ZNF609: variants seen among roughly 807,000 people sequenced by gnomAD.
ZNF609 encodes the protein zinc finger protein 609.
In ZNF609, 11 loss-of-function variants were observed where a neutral mutation model predicts 109.5. The ratio of observed to expected loss-of-function variants is 0.10; its 90% confidence interval spans 0.06 to 0.17. The LOEUF (loss-of-function observed/expected upper bound fraction) is 0.17, where lower values mean the gene tolerates loss of function less well. ZNF609 is among the 10% of genes least tolerant of loss of function. The pLI is 1.00. For synonymous variants in ZNF609, 646 were observed against 662.0 expected (o/e 0.98, Z 0.37); for missense variants, 1,559 against 1,772.4 (o/e 0.88, Z 2.16).
intron 1 of ZNF609, among the ~76,000 whole-genome samples, chr15:64,461,876 T>C (rs1892946134): frequency 6.6e-6 from 1 of 152,154 alleles, no homozygotes. Flanking sequence ...CTTGAGTTAA[T>C]TTCACCCCTG....
chr15:64,597,381 T>A (rs1895414731), intron 2 of ZNF609, among the ~76,000 whole-genome samples: 1 of 152,132 alleles, frequency 6.6e-6, no homozygotes, highest in African/African-American at 2.4e-5. Flanking sequence ...GGACTGCTAT[T>A]TGGAAACAGA....
chr15:64,612,444 C>A (rs138179118), intron 2 of ZNF609, among the ~76,000 whole-genome samples: 4 of 151,946 alleles, frequency 2.6e-5, no homozygotes, highest in Non-Finnish European at 5.9e-5. Flanking sequence ...CCACTGTGCC[C>A]GGCCTATATA....
intron 1 of ZNF609, among the ~76,000 whole-genome samples, chr15:64,491,376 T>C (rs1046269816): frequency 2.0e-5 from 3 of 152,220 alleles, no homozygotes; most frequent in African/African-American, 7.2e-5. Context: ...GGGAAGATGG[T>C]ATAATATGGT....
At chr15:64,489,721 T>G (rs1893385662) in intron 1 of ZNF609, among the ~76,000 whole-genome samples, 1 of 151,236 alleles carries the variant, frequency 6.6e-6, no homozygotes, top group Non-Finnish European at 1.5e-5. Context: ...GTAAAGACAG[T>G]TTCCCCATGT....
intron 2 of ZNF609, among the ~76,000 whole-genome samples, chr15:64,534,430 T>C (rs1201768831): frequency 6.6e-6 from 1 of 152,090 alleles, no homozygotes; most frequent in Non-Finnish European, 1.5e-5. Context: ...TTCTCCTGCC[T>C]CAGCCTCCCA....
At chr15:64,536,753 C>T (rs1595710721) in intron 2 of ZNF609, among the ~76,000 whole-genome samples, 1 of 147,912 alleles carries the variant, frequency 6.8e-6, no homozygotes, top group Non-Finnish European at 1.5e-5. Context: ...AATTAGCTGG[C>T]AGGCAAGGTG....
At chr15:64,586,440 C>T (rs576101697) in intron 2 of ZNF609, among the ~76,000 whole-genome samples, 2 of 152,114 alleles carry the variant, frequency 1.3e-5, no homozygotes, top group Admixed American at 1.3e-4. Context: ...GGAACCTGGT[C>T]GCACAGCAGG....
At chr15:64,640,854 G>C (rs554540880) in intron 3 of ZNF609, among the ~76,000 whole-genome samples, 2 of 152,322 alleles carry the variant, frequency 1.3e-5, no homozygotes, top group Admixed American at 1.3e-4. Flanking sequence ...AGCCTTTGTG[G>C]CACTTATGCA....
chr15:64,535,170 C>T (rs949698589), intron 2 of ZNF609, among the ~76,000 whole-genome samples: 9 of 152,098 alleles, frequency 5.9e-5, no homozygotes, highest in Non-Finnish European at 1.2e-4. Flanking sequence ...TATCCTCCTG[C>T]CTCAACCTCC....
chr15:64,677,924 T>TG (rs1759284565), intron 5 of ZNF609, among the ~76,000 whole-genome samples, 192 bp from the exon 6 acceptor site: 1 of 152,032 alleles, frequency 6.6e-6, no homozygotes, highest in African/African-American at 2.4e-5. Context: ...GGTGCAGAGG[T>TG]GGGGGCGGGG....
In ZNF609 at chr15:64,673,809, T is replaced by C. The variant is rs2141014066; in HGVS notation, c.1062-107T>C. On this transcript the variant is annotated intron_variant, in intron 4 of 9. Transcript: ENST00000326648. ...AATTTCTTTTAACAAATCATATTCATTGAAAATGATAGTCACCATCTGGAC... is the reference window on the plus strand; with the variant it reads ...AATTTCTTTTAACAAATCATATTCACTGAAAATGATAGTCACCATCTGGAC... The C allele has an allele frequency of 4.0e-6, 5 of 1,244,752 alleles. No individual in the cohort carries two copies. The East Asian group carries it at 9.7e-5, about 24-fold the overall frequency. 77.1% of individuals were successfully genotyped at this position (1,244,752 alleles called of 1,614,324 possible). A position where few individuals can be genotyped will look rare whatever the true frequency, so the allele number is the denominator to read the frequency against.
chr15:64,468,448 C>T (rs1239113828), intron 1 of ZNF609, among the ~76,000 whole-genome samples: 2 of 151,446 alleles, frequency 1.3e-5, no homozygotes, highest in African/African-American at 2.4e-5. Context: ...TTTTTTGTTT[C>T]GCTGCATTGC....
At chr15:64,557,541 AAG>A (rs1894609178) in intron 2 of ZNF609, among the ~76,000 whole-genome samples, 1 of 152,142 alleles carries the variant, frequency 6.6e-6, no homozygotes, top group African/African-American at 2.4e-5. Context: ...GATTGGTGGA[AAG>A]AGAGATGGAG....
intron 2 of ZNF609, among the ~76,000 whole-genome samples, chr15:64,520,282 G>A (rs1184732548): frequency 6.6e-6 from 1 of 152,086 alleles, no homozygotes; most frequent in Non-Finnish European, 1.5e-5. Flanking sequence ...ATGTTTCACA[G>A]CATCCATACC....
At chr15:64,570,615 T>A (rs1894845397) in intron 2 of ZNF609, among the ~76,000 whole-genome samples, 1 of 152,204 alleles carries the variant, frequency 6.6e-6, no homozygotes, top group Non-Finnish European at 1.5e-5. Context: ...TAGTTTGTCT[T>A]TAGTGAGAGA....
chr15:64,587,381 G>A (rs1244628273), intron 2 of ZNF609, among the ~76,000 whole-genome samples: 1 of 34,228 alleles, frequency 2.9e-5, no homozygotes, highest in Non-Finnish European at 1.6e-4. Flanking sequence ...TAGCAGCACA[G>A]TACCTATTAA....
chr15:64,493,155 G>A (rs1252394009), intron 1 of ZNF609, among the ~76,000 whole-genome samples: 1 of 152,056 alleles, frequency 6.6e-6, no homozygotes, highest in Non-Finnish European at 1.5e-5. Context: ...TTGGCTCTTT[G>A]AAGCCTTCTT....
chr15:64,469,534 C>T (rs552442622), intron 1 of ZNF609, among the ~76,000 whole-genome samples: 3 of 150,116 alleles, frequency 2.0e-5, no homozygotes, highest in East Asian at 1.9e-4. Flanking sequence ...AAAATATAGC[C>T]GGTATTCAGA....
chr15:64,614,945 A>C (rs1416784442), intron 2 of ZNF609, among the ~76,000 whole-genome samples: 1 of 149,902 alleles, frequency 6.7e-6, no homozygotes, highest in Non-Finnish European at 1.5e-5. Context: ...CAGCCTCCTG[A>C]GTAGCTGGGA....
Sources: gnomAD v4.1 joint callset for allele counts (sites outside exome capture counted in the v4.1 genomes callset) on GRCh38, gnomAD v4.1.1 for gene constraint, MANE v1.5 for transcripts, NCBI Gene and HGNC (gene_info 2026-07-23, HGNC 2026-07-21) for gene names.